WDR27: variants seen among roughly 807,000 people sequenced by gnomAD.
The protein encoded by WDR27 is WD repeat domain 27, also known as WD repeat-containing protein 27.
WDR27 carries 100 observed loss-of-function variants against 114.4 expected under a neutral mutation model. The ratio of observed to expected loss-of-function variants is 0.87; its 90% CI spans 0.74 to 1.03. The LOEUF is 1.03. WDR27 is among the 50% of genes least tolerant of loss of function. The pLI is 0.00. For synonymous variants in WDR27, 449 were observed against 423.1 expected, an observed-to-expected ratio of 1.06 and a Z score of -0.75; for missense variants, 1,129 against 1,092.9, an observed-to-expected ratio of 1.03 and a Z score of -0.47.
At chr6:169,566,640 G>A (rs554516951) in intron 25 of WDR27, among the ~76,000 whole-genome samples, 6 of 148,942 alleles carry the variant, frequency 4.0e-5, no homozygotes, top group East Asian at 3.9e-4. Context: ...CCTGAATTTC[G>A]GGGCCTGTTG....
chr6:169,607,642 G>A (rs963004245), intron 22 of WDR27, among the ~76,000 whole-genome samples: 2 of 152,082 alleles, frequency 1.3e-5, no homozygotes, highest in African/African-American at 4.8e-5. Context: ...AGGGTGGGAA[G>A]GGGATGCAGG....
At chr6:169,461,715 G>A (rs945856479) in intron 25 of WDR27, among the ~76,000 whole-genome samples, 3 of 144,990 alleles carry the variant, frequency 2.1e-5, no homozygotes, top group African/African-American at 7.6e-5. Flanking sequence ...AGTAGAGAAA[G>A]AACAACAAGT....
Position 169,667,482 on chromosome 6 carries a change from C to A in WDR27, c.661-295G>T. 1.4e-6 allele frequency: 1 copy of A among 714,684 alleles called. No individual in the cohort carries two copies. The highest frequency in any genetic ancestry group is 1.7e-6 in the Non-Finnish European group (1 of 582,964). The allele number at this position is 714,684 out of a possible 1,614,324, so 44.3% of individuals were successfully genotyped here. On this transcript the variant is annotated intron_variant, in intron 5 of 25. Transcript: ENST00000448612. ...TTCCCAGGCACTTGGTCAACGCTGCCAAGATAGAGGCACCAAGCGGAAACT... is the reference window on the plus strand; with the variant it reads ...TTCCCAGGCACTTGGTCAACGCTGCAAAGATAGAGGCACCAAGCGGAAACT...
At chr6:169,646,541 GT>G (rs1453519421) in intron 16 of WDR27, among the ~76,000 whole-genome samples, 1 of 152,136 alleles carries the variant, frequency 6.6e-6, no homozygotes, top group Non-Finnish European at 1.5e-5. Flanking sequence ...GACGTCAGGA[GT>G]TTTGAGGCCA....
At chr6:169,644,678 C>T (rs1820072531) in intron 16 of WDR27, among the ~76,000 whole-genome samples, 1 of 151,100 alleles carries the variant, frequency 6.6e-6, no homozygotes, top group Non-Finnish European at 1.5e-5. Context: ...TCATATGAGT[C>T]ACACTGTAGA....
At chr6:169,500,791 G>A (rs1218195645) in intron 25 of WDR27, among the ~76,000 whole-genome samples, 2 of 152,204 alleles carry the variant, frequency 1.3e-5, no homozygotes, top group African/African-American at 4.8e-5. Flanking sequence ...TCACTGAGGG[G>A]CTCGGAAATC....
At chr6:169,667,349 C>A in intron 5 of WDR27, 162 bp from the exon 6 acceptor site, 1 of 1,232,094 alleles carries the variant, frequency 8.1e-7, no homozygotes, top group Non-Finnish European at 1.0e-6. Context: ...TGTAGTAACA[C>A]CATAAAATAT....
chr6:169,460,803 T>C (rs1784814708), intron 25 of WDR27, among the ~76,000 whole-genome samples: 1 of 152,196 alleles, frequency 6.6e-6, no homozygotes, highest in African/African-American at 2.4e-5. Flanking sequence ...GCCTTCCATA[T>C]ATGCGAGTTT....
chr6:169,502,386 G>A (rs1791407130), intron 25 of WDR27, among the ~76,000 whole-genome samples: 4 of 152,198 alleles, frequency 2.6e-5, no homozygotes. Context: ...CTACTTGAGG[G>A]TCCAGGGCTT....
At chr6:169,645,054 A>G (rs1356317854) in intron 16 of WDR27, among the ~76,000 whole-genome samples, 3 of 57,728 alleles carry the variant, frequency 5.2e-5, no homozygotes, top group South Asian at 9.6e-4. Flanking sequence ...AAAAAAAAAA[A>G]AAAAGAAAAT....
intron 22 of WDR27, 101 bp from the exon 23 acceptor site, chr6:169,602,422 C>A: frequency 1.4e-6 from 1 of 713,680 alleles, no homozygotes; most frequent in South Asian, 1.9e-5. Flanking sequence ...CAAAAAGGAA[C>A]AAAAGAATAA....
the WDR27 span, among the ~76,000 whole-genome samples, chr6:169,427,809 CAAAA>C: frequency 1.6e-5 from 2 of 126,610 alleles, no homozygotes; most frequent in African/African-American, 3.0e-5. Flanking sequence ...AAACAACAAC[CAAAA>C]AAAAAAAAAA....
chr6:169,693,883 A>G (rs1361134214), intron 1 of WDR27, among the ~76,000 whole-genome samples: 2 of 152,252 alleles, frequency 1.3e-5, no homozygotes, highest in South Asian at 2.1e-4. Context: ...TAGCAACACA[A>G]TAATACTGGG....
chr6:169,656,725 T>A (rs746036397), intron 13 of WDR27, among the ~76,000 whole-genome samples: 12 of 152,162 alleles, frequency 7.9e-5, no homozygotes, highest in Non-Finnish European at 1.6e-4. Flanking sequence ...AGCTCCGCAT[T>A]AGGCCGCAGC....
chr6:169,532,431 A>C (rs2128081750), intron 25 of WDR27, among the ~76,000 whole-genome samples: 1 of 152,334 alleles, frequency 6.6e-6, no homozygotes, highest in South Asian at 2.1e-4. Flanking sequence ...AAAGTCTATA[A>C]CAAATTATTG....
intron 25 of WDR27, among the ~76,000 whole-genome samples, chr6:169,557,397 C>T (rs1436367104): frequency 1.3e-5 from 2 of 152,124 alleles, no homozygotes; most frequent in Non-Finnish European, 2.9e-5. Context: ...TGACTGGGGA[C>T]GTGGGGAAGA....
At chr6:169,573,467 G>GC (rs1371807320) in intron 24 of WDR27, among the ~76,000 whole-genome samples, 2 of 152,186 alleles carry the variant, frequency 1.3e-5, no homozygotes, top group Admixed American at 6.5e-5. Flanking sequence ...CAAAAATACA[G>GC]CCCCCCAGGA....
In WDR27 at chr6:169,462,827, A is replaced by G. The variant is rs74871449; in HGVS notation, c.2646-5193T>C. Among the ~76,000 whole-genome samples, 81 of 152,324 alleles carry G rather than the reference A, an allele frequency of 5.3e-4. No homozygotes were observed. The East Asian group carries it at 0.015, about 28-fold the overall frequency. On this transcript the variant is annotated intron_variant, in intron 25 of 25. Transcript: ENST00000448612. ...GGTTCAACAAAAATTGATCAATGCA[A>G]TAAATGTCATTAATAAAATTAATGA...
At chr6:169,470,603 C>T (rs565210222) in intron 25 of WDR27, among the ~76,000 whole-genome samples, 6 of 152,294 alleles carry the variant, frequency 3.9e-5, no homozygotes, top group South Asian at 4.1e-4. Flanking sequence ...TGTGTCCTCA[C>T]GTGACATTCC....
Sources: allele counts gnomAD v4.1 joint callset (sites outside exome capture counted in the v4.1 genomes callset), GRCh38; gene constraint gnomAD v4.1.1; transcripts MANE v1.5; gene names NCBI Gene and HGNC (gene_info 2026-07-23, HGNC 2026-07-21).